Variants in CEP83 observed in about 807,000 individuals in gnomAD.
The protein encoded by CEP83 is centrosomal protein of 83 kDa.
Under a neutral mutation model 101.9 loss-of-function variants are expected in CEP83, and 70 were observed. The ratio of observed to expected loss-of-function variants is 0.69; its 90% CI spans 0.57 to 0.84. The LOEUF (loss-of-function observed/expected upper bound fraction) is 0.84. Among genes scored for constraint, CEP83 ranks in the 40% least tolerant of loss-of-function variants. CEP83 has a pLI of 0.00. For missense variants in CEP83, 715 were observed against 787.2 expected (o/e 0.91, Z 1.10); for synonymous variants, 264 against 267.9 (o/e 0.99, Z 0.14).
intron 14 of CEP83, among the ~76,000 whole-genome samples, chr12:94,329,311 G>T (rs1439222375): frequency 6.6e-6 from 1 of 151,884 alleles, no homozygotes; most frequent in Non-Finnish European, 1.5e-5. Context: ...GTGTCATCCA[G>T]GCTGGAGGGC....
rs189282292 is a variant in CEP83 at position 94,453,641 on chromosome 12, C to T, written c.-155+5916G>A. On this transcript the variant is annotated intron_variant, in intron 1 of 16. Transcript: ENST00000397809. ...ATAGGCACTCAAATATTGATTAAAC[C>T]CATATATAAGAGAAATAAAATTTGC... Among the ~76,000 whole-genome samples the T allele has an allele frequency of 1.6e-4, 25 of 152,166 alleles. No individual in the cohort carries two copies. In the East Asian group the frequency reaches 4.6e-3, roughly 28 times the overall value.
At chr12:94,275,869 A>G in the CEP83 span, among the ~76,000 whole-genome samples, 1 of 150,092 alleles carries the variant, frequency 6.7e-6, no homozygotes, top group South Asian at 2.1e-4. Flanking sequence ...AAAAAAAAAA[A>G]AAAAAAAAAA....
intron 16 of CEP83, among the ~76,000 whole-genome samples, chr12:94,309,578 C>T (rs570641268): frequency 4.6e-5 from 7 of 152,118 alleles, no homozygotes; most frequent in East Asian, 1.9e-4. Context: ...CAGTTCACTG[C>T]GTTAGTAAAT....
chr12:94,346,206 C>T (rs983418805), intron 11 of CEP83, among the ~76,000 whole-genome samples: 21 of 152,066 alleles, frequency 1.4e-4, no homozygotes, highest in Admixed American at 5.9e-4. Context: ...CCTGCCACCA[C>T]GCCCAACTAA....
chr12:94,352,038 A>G (rs1434728873), intron 11 of CEP83, among the ~76,000 whole-genome samples: 1 of 152,240 alleles, frequency 6.6e-6, no homozygotes, highest in Non-Finnish European at 1.5e-5. Context: ...ACAAATATAC[A>G]GGAAAAAGTC....
At chr12:94,435,446 C>T (rs1385265102) in intron 1 of CEP83, 119 bp from the exon 2 acceptor site, 4 of 152,000 alleles carry the variant, frequency 2.6e-5, no homozygotes, top group African/African-American at 4.8e-5. Flanking sequence ...CATGACTGTC[C>T]ACAAAAAAAC....
intron 14 of CEP83, among the ~76,000 whole-genome samples, chr12:94,331,457 C>G (rs999558463): frequency 6.9e-6 from 1 of 144,940 alleles, no homozygotes; most frequent in African/African-American, 2.5e-5. Flanking sequence ...AGCTCTGCCT[C>G]CCGGGTTCAT....
intron 2 of CEP83, among the ~76,000 whole-genome samples, chr12:94,434,312 T>C (rs1257201493): frequency 6.6e-6 from 1 of 152,212 alleles, no homozygotes; most frequent in Non-Finnish European, 1.5e-5. Flanking sequence ...AAAAAATGTT[T>C]ATACACAAAA....
At chr12:94,321,885 C>CA (rs2058761240) in intron 14 of CEP83, among the ~76,000 whole-genome samples, 1 of 151,752 alleles carries the variant, frequency 6.6e-6, no homozygotes, top group South Asian at 2.1e-4. Context: ...ATCAAGGACC[C>CA]AAATAACAGT....
At chr12:94,398,918 G>A (rs982549597) in intron 6 of CEP83, among the ~76,000 whole-genome samples, 4 of 152,148 alleles carry the variant, frequency 2.6e-5, no homozygotes, top group African/African-American at 4.8e-5. Flanking sequence ...AGTACCCTCA[G>A]GCTTATTAAG....
At chr12:94,458,501 G>A (rs1291286895) in intron 1 of CEP83, among the ~76,000 whole-genome samples, 1 of 152,120 alleles carries the variant, frequency 6.6e-6, no homozygotes, top group African/African-American at 2.4e-5. Flanking sequence ...CACTTTGGGA[G>A]GCCGAGGTGG....
chr12:94,298,866 G>T, the CEP83 span: 3 of 1,395,258 alleles, frequency 2.2e-6, no homozygotes, highest in African/African-American at 2.9e-5. Context: ...GAAAGACATA[G>T]ATAGTTATAG....
At chr12:94,294,446 A>T in the CEP83 span, 17 of 882,506 alleles carry the variant, frequency 1.9e-5, no homozygotes, top group African/African-American at 3.3e-5. Flanking sequence ...GAAATCCATT[A>T]AATTTTGAAC....
At chr12:94,348,458 G>A (rs368945470) in intron 11 of CEP83, among the ~76,000 whole-genome samples, 15 of 152,108 alleles carry the variant, frequency 9.9e-5, no homozygotes, top group African/African-American at 3.4e-4. Context: ...TTAAAATATC[G>A]TCATTTTGAA....
the CEP83 span, chr12:94,300,913 T>C: frequency 6.2e-7 from 1 of 1,611,668 alleles, no homozygotes; most frequent in South Asian, 1.1e-5. Flanking sequence ...TGAACAGCCT[T>C]CCTCTTCGCT....
chr12:94,400,126 C>T (rs2063166078), intron 6 of CEP83, among the ~76,000 whole-genome samples: 1 of 152,088 alleles, frequency 6.6e-6, no homozygotes, highest in Non-Finnish European at 1.5e-5. Context: ...TGTTTGTAAA[C>T]AGAATATTTC....
intron 4 of CEP83, among the ~76,000 whole-genome samples, 183 bp downstream of exon 4, chr12:94,411,514 T>G (rs2063880032): frequency 6.6e-6 from 1 of 152,156 alleles, no homozygotes; most frequent in South Asian, 2.1e-4. Context: ...GTTTCATGGC[T>G]CCCTTACATG....
At chr12:94,282,129 CAAA>C in the CEP83 span, 13 of 566,846 alleles carry the variant, frequency 2.3e-5, no homozygotes, top group Non-Finnish European at 4.1e-5. Context: ...AACAAACAAA[CAAA>C]GTAAAACAGA....
At chr12:94,337,745 C>T (rs924553588) in intron 11 of CEP83, among the ~76,000 whole-genome samples, 3 of 151,480 alleles carry the variant, frequency 2.0e-5, no homozygotes, top group African/African-American at 2.4e-5. Context: ...AATAAGAGTC[C>T]GAGATAGAGA....
Sources: gnomAD v4.1 joint callset for allele counts (sites outside exome capture counted in the v4.1 genomes callset) on GRCh38, gnomAD v4.1.1 for gene constraint, MANE v1.5 for transcripts, NCBI Gene and HGNC (gene_info 2026-07-23, HGNC 2026-07-21) for gene names.